SZRD1: variants seen among roughly 807,000 people sequenced by gnomAD.
SZRD1 encodes SUZ RNA binding domain containing 1.
In SZRD1, 7 loss-of-function variants were observed where a neutral mutation model predicts 17.6. The ratio of observed to expected loss-of-function variants is 0.40; its 90% CI spans 0.23 to 0.75. SZRD1 has a LOEUF of 0.75. Ranked by LOEUF, SZRD1 falls within the 30% of genes least tolerant of loss-of-function variation. The pLI is 0.38. For synonymous variants in SZRD1, 77 were observed against 77.9 expected, an observed-to-expected ratio of 0.99 and a Z score of 0.06; for missense variants, 178 against 201.8, an observed-to-expected ratio of 0.88 and a Z score of 0.71.
intron 1 of SZRD1, among the ~76,000 whole-genome samples, chr1:16,375,259 A>G (rs1437450537): frequency 3.3e-5 from 5 of 152,100 alleles, no homozygotes. Context: ...ATTAAGGTAA[A>G]ACCATGCCCC....
At chr1:16,369,318 G>A (rs1052940621) in intron 1 of SZRD1, 1 of 710,304 alleles carries the variant, frequency 1.4e-6, no homozygotes, top group Non-Finnish European at 2.5e-6. Context: ...CGGATGTCAC[G>A]TTGATCTTGC....
At chr1:16,373,687 T>TC (rs560399618) in intron 1 of SZRD1, among the ~76,000 whole-genome samples, 1 of 151,356 alleles carries the variant, frequency 6.6e-6, no homozygotes, top group South Asian at 2.1e-4. Flanking sequence ...TGTCTCGACC[T>TC]CCCAGGCTCA....
At chr1:16,367,615 C>T (rs2082844612) in intron 1 of SZRD1, 1 of 454,370 alleles carries the variant, frequency 2.2e-6, no homozygotes, top group African/African-American at 2.1e-5. Flanking sequence ...GGCCGTGGGC[C>T]TCTGTGACTC....
chr1:16,390,073 C>T (rs547568176), intron 1 of SZRD1, among the ~76,000 whole-genome samples: 1 of 152,218 alleles, frequency 6.6e-6, no homozygotes, highest in Non-Finnish European at 1.5e-5. Flanking sequence ...GGTTGAGAAC[C>T]ACCATTAGAG....
intron 1 of SZRD1, among the ~76,000 whole-genome samples, chr1:16,370,474 G>T (rs1406252999): frequency 1.3e-5 from 2 of 151,406 alleles, no homozygotes; most frequent in African/African-American, 4.9e-5. Flanking sequence ...TGATCCTCCT[G>T]CCTTAGGCTC....
At chr1:16,381,018 G>A (rs1403234029) in intron 1 of SZRD1, among the ~76,000 whole-genome samples, 1 of 151,106 alleles carries the variant, frequency 6.6e-6, no homozygotes, top group African/African-American at 2.4e-5. Flanking sequence ...AGGAAATCAA[G>A]GCTACAGTGA....
Position 16,391,523 on chromosome 1 carries a change from T to C in SZRD1, c.101+99T>C. The stretch of plus-strand genomic sequence containing the variant: ...GCTGGCCATTAGGATTAGCAGGTCC[T>C]AGCAGGTCAGGCTCTGGGGCAGCAA... On this transcript the variant is annotated intron_variant, in intron 2 of 3. Transcript: ENST00000401088. This position sits in a 1 kb window ranked among gnomAD's most constrained non-coding sequence, Gnocchi z 4.3. The C allele has an allele frequency of 9.5e-7, 1 of 1,048,752 alleles. No homozygotes were observed. 65.0% of individuals were successfully genotyped at this position (1,048,752 alleles called of 1,614,324 possible).
chr1:16,369,678 T>C (rs542809370), intron 1 of SZRD1: 8 of 514,116 alleles, frequency 1.6e-5, no homozygotes, highest in East Asian at 3.3e-5. Flanking sequence ...AACCTGAGGT[T>C]AGGAGTTCCA....
At chr1:16,368,669 GTC>G (rs767543035) in intron 1 of SZRD1, among the ~76,000 whole-genome samples, 4 of 152,146 alleles carry the variant, frequency 2.6e-5, no homozygotes, top group Non-Finnish European at 5.9e-5. Flanking sequence ...ATTTTTGAGT[GTC>G]TGCTATATGC....
At position 16,381,161 on chromosome 1, in the gene SZRD1, G is replaced by A. The variant is rs974690791; in HGVS notation, c.52-10214G>A. ...CCCAGCTGCTCAGGAGGCCGAGGCC[G>A]AAGGATCACTTGAGTCCAGGAGTGT... is the stretch of plus-strand genomic sequence containing the variant. On this transcript the variant is annotated intron_variant, in intron 1 of 3. Coordinates refer to ENST00000401088, the MANE Select transcript of SZRD1 (RefSeq NM_001114600.3). Among the ~76,000 whole-genome samples, 8 of 151,852 alleles carry A rather than the reference G, an allele frequency of 5.3e-5. No individual in the cohort carries two copies. The East Asian group carries it at 5.8e-4, about 11-fold the overall frequency.
intron 1 of SZRD1, chr1:16,369,461 C>G (rs2082875067): frequency 1.9e-6 from 2 of 1,038,698 alleles, no homozygotes; most frequent in Non-Finnish European, 1.5e-6. Flanking sequence ...TGAGTGCATT[C>G]AAGAGTGAAC....
intron 1 of SZRD1, among the ~76,000 whole-genome samples, chr1:16,379,049 C>T (rs7544175): frequency 0.14 from 20,963 of 151,376 alleles, 1,719 homozygotes; most frequent in African/African-American, 0.22. Flanking sequence ...ACTTTATTAG[C>T]TCCTGATGCC....
At chr1:16,390,989 A>G (rs1036563372) in intron 1 of SZRD1, among the ~76,000 whole-genome samples, 1 of 152,198 alleles carries the variant, frequency 6.6e-6, no homozygotes, top group African/African-American at 2.4e-5. Flanking sequence ...GGGAAGTGAC[A>G]TGATCAGATT....
At position 16,396,067 on chromosome 1, in the gene SZRD1, A is replaced by G. The variant is rs953314842; in HGVS notation, c.*927A>G. 2 of 152,712 alleles carry G rather than the reference A, an allele frequency of 1.3e-5. No individual in the cohort carries two copies. Among genetic ancestry groups the G allele is most frequent in the African/African-American group, 4.8e-5 (2 of 41,466 alleles). The allele number at this position is 152,712 out of a possible 1,614,324, so 9.5% of individuals were successfully genotyped here. ...AGGCTTACTACTTCTAGAAGAAAGCAGAGTGCCAGGGAGTGAGATTGCATC... is the reference window on the plus strand; with the variant it reads ...AGGCTTACTACTTCTAGAAGAAAGCGGAGTGCCAGGGAGTGAGATTGCATC... On this transcript the variant is annotated 3_prime_UTR_variant, in exon 4 of 4. Coordinates refer to ENST00000401088, the MANE Select transcript of SZRD1 (RefSeq NM_001114600.3).
chr1:16,384,574 C>CT (rs2100729835), intron 1 of SZRD1, among the ~76,000 whole-genome samples: 1 of 152,214 alleles, frequency 6.6e-6, no homozygotes, highest in South Asian at 2.1e-4. Context: ...AACAAGACCC[C>CT]TTGCAGGGGA....
chr1:16,388,527 A>T (rs2085165090), intron 1 of SZRD1, among the ~76,000 whole-genome samples: 1 of 152,126 alleles, frequency 6.6e-6, no homozygotes, highest in Non-Finnish European at 1.5e-5. Flanking sequence ...AGAGATGCAA[A>T]TAAGGACATG....
In SZRD1 at chr1:16,367,250, C is replaced by G; in HGVS notation, c.-8C>G. 1 of 1,547,748 alleles carries G rather than the reference C, an allele frequency of 6.5e-7. No individual in the cohort carries two copies. Among genetic ancestry groups the G allele is most frequent in the South Asian group, 1.2e-5 (1 of 83,930 alleles). On this transcript the variant is annotated 5_prime_UTR_variant, in exon 1 of 4. Transcript: ENST00000401088. Reference sequence around the variant, plus strand: ...GGGGGTGGGGGAGGAGGGAAAGCGGCGAGTAAGATGGAAGATGAGGAGGTC... The same window carrying G: ...GGGGGTGGGGGAGGAGGGAAAGCGGGGAGTAAGATGGAAGATGAGGAGGTC...
intron 1 of SZRD1, among the ~76,000 whole-genome samples, chr1:16,386,535 G>C (rs74055648): frequency 0.027 from 4,103 of 152,300 alleles, 184 homozygotes; most frequent in African/African-American, 0.091. Context: ...AGAGCAGATT[G>C]ATTGCAAGGC....
intron 1 of SZRD1, among the ~76,000 whole-genome samples, chr1:16,370,895 T>C (rs1391993841): frequency 2.0e-5 from 3 of 152,204 alleles, no homozygotes; most frequent in Non-Finnish European, 4.4e-5. Flanking sequence ...CTTGTAAATA[T>C]GCACTTTTGA....
Sources: gnomAD v4.1 joint callset for allele counts (sites outside exome capture counted in the v4.1 genomes callset) on GRCh38, gnomAD v4.1.1 for gene constraint, Gnocchi (gnomAD v3.1) non-coding constraint, MANE v1.5 for transcripts, NCBI Gene and HGNC (gene_info 2026-07-23, HGNC 2026-07-21) for gene names.